ERC2: variants seen among roughly 807,000 people sequenced by gnomAD.
ERC2 encodes the protein ELKS/RAB6-interacting/CAST family member 2.
ERC2 carries 42 observed loss-of-function variants against 114.8 expected under a neutral mutation model. The ratio of observed to expected loss-of-function variants is 0.37; its 90% confidence interval spans 0.29 to 0.47. The LOEUF is 0.47. Ranked by LOEUF, ERC2 falls within the 20% of genes least tolerant of loss-of-function variation. The pLI is 0.99. For missense variants in ERC2, 939 were observed against 1,150.7 expected, an observed-to-expected ratio of 0.82 and a Z score of 2.66; for synonymous variants, 454 against 425.5, an observed-to-expected ratio of 1.07 and a Z score of -0.82.
At chr3:56,260,654 G>A (rs1489617883) in intron 3 of ERC2, among the ~76,000 whole-genome samples, 1 of 152,200 alleles carries the variant, frequency 6.6e-6, no homozygotes, top group Non-Finnish European at 1.5e-5. Context: ...CAGAGCCTGT[G>A]TTATTAACCG....
intron 7 of ERC2, among the ~76,000 whole-genome samples, chr3:56,055,953 G>A (rs1273043545): frequency 6.6e-6 from 1 of 152,156 alleles, no homozygotes; most frequent in Non-Finnish European, 1.5e-5. Flanking sequence ...TTTCTTTAAA[G>A]AAAAATCTTA....
chr3:55,909,449 G>C (rs746602379), intron 13 of ERC2, among the ~76,000 whole-genome samples: 1 of 152,196 alleles, frequency 6.6e-6, no homozygotes, highest in South Asian at 2.1e-4. Flanking sequence ...GTCAGAATGA[G>C]TTTGAATAAG....
intron 14 of ERC2, among the ~76,000 whole-genome samples, chr3:55,815,984 C>T (rs562308126): frequency 2.0e-5 from 3 of 152,374 alleles, no homozygotes; most frequent in African/African-American, 7.2e-5. Flanking sequence ...TGGGATTCTG[C>T]TCCACCAGTT....
intron 17 of ERC2, among the ~76,000 whole-genome samples, chr3:55,543,431 A>G (rs2054533970): frequency 6.6e-6 from 1 of 152,204 alleles, no homozygotes; most frequent in Non-Finnish European, 1.5e-5. Context: ...TCTCATAAAG[A>G]TGAGTGAGTG....
intron 7 of ERC2, among the ~76,000 whole-genome samples, chr3:56,053,252 G>A (rs948847425): frequency 5.3e-5 from 8 of 152,160 alleles, no homozygotes; most frequent in African/African-American, 1.2e-4. Flanking sequence ...TGTGTGCCAC[G>A]AGTGGGTAAA....
intron 1 of ERC2, among the ~76,000 whole-genome samples, chr3:56,461,472 G>A (rs2107573271): frequency 6.6e-6 from 1 of 152,300 alleles, no homozygotes; most frequent in South Asian, 2.1e-4. Flanking sequence ...GTAGAAGAGG[G>A]CACTGGGTGC....
intron 17 of ERC2, among the ~76,000 whole-genome samples, chr3:55,533,414 C>T (rs936811006): frequency 1.3e-5 from 2 of 152,204 alleles, no homozygotes; most frequent in Non-Finnish European, 2.9e-5. Flanking sequence ...TAGGAACCAA[C>T]GTTTGCTGCA....
intron 3 of ERC2, among the ~76,000 whole-genome samples, chr3:56,218,499 A>T (rs1402059348): frequency 6.7e-6 from 1 of 148,992 alleles, no homozygotes; most frequent in African/African-American, 2.5e-5. Context: ...AACAGGTGCT[A>T]AAGAGGATGT....
At chr3:56,387,428 C>G (rs1164120250) in intron 2 of ERC2, among the ~76,000 whole-genome samples, 1 of 152,110 alleles carries the variant, frequency 6.6e-6, no homozygotes, top group Non-Finnish European at 1.5e-5. Flanking sequence ...CTAAAATGAA[C>G]ACACTAATAA....
At chr3:56,074,407 T>C (rs1167075953) in intron 7 of ERC2, among the ~76,000 whole-genome samples, 2 of 152,152 alleles carry the variant, frequency 1.3e-5, no homozygotes, top group Admixed American at 1.3e-4. Context: ...ATAATCATTT[T>C]ATTATAAAAA....
At chr3:56,235,827 T>A (rs980364661) in intron 3 of ERC2, among the ~76,000 whole-genome samples, 2 of 152,232 alleles carry the variant, frequency 1.3e-5, no homozygotes, top group African/African-American at 4.8e-5. Flanking sequence ...GCGGCTACCA[T>A]AATGGATCAG....
chr3:56,438,650 C>A (rs1559503964), intron 1 of ERC2, among the ~76,000 whole-genome samples: 1 of 152,200 alleles, frequency 6.6e-6, no homozygotes, highest in African/African-American at 2.4e-5. Context: ...TGGGTTCTAA[C>A]TGGGCCACCA....
intron 14 of ERC2, among the ~76,000 whole-genome samples, chr3:55,775,907 A>G (rs2068572679): frequency 6.6e-6 from 1 of 152,164 alleles, no homozygotes; most frequent in South Asian, 2.1e-4. Context: ...GGCAGTCTGT[A>G]TGTCAGCAAC....
At chr3:55,655,292 ATCCTTGTCATGTAGTAC>A (rs2060807940) in intron 17 of ERC2, among the ~76,000 whole-genome samples, 1 of 151,976 alleles carries the variant, frequency 6.6e-6, no homozygotes, top group Non-Finnish European at 1.5e-5. Context: ...CTTGTACTAC[ATCCTTGTCATGTAGTAC>A]AAAGAAGAGT....
At chr3:55,876,973 T>C (rs1053699513) in intron 14 of ERC2, among the ~76,000 whole-genome samples, 1 of 152,234 alleles carries the variant, frequency 6.6e-6, no homozygotes, top group Non-Finnish European at 1.5e-5. Flanking sequence ...ATCATTGTGC[T>C]GAACAGGAAA....
intron 14 of ERC2, among the ~76,000 whole-genome samples, chr3:55,820,148 G>A (rs1575707837): frequency 1.3e-5 from 2 of 152,260 alleles, no homozygotes; most frequent in East Asian, 3.9e-4. Flanking sequence ...GTGGGGTCTA[G>A]AAGTGGAGCC....
At chr3:56,345,497 G>C (rs916320966) in intron 2 of ERC2, among the ~76,000 whole-genome samples, 1 of 152,180 alleles carries the variant, frequency 6.6e-6, no homozygotes, top group Non-Finnish European at 1.5e-5. Flanking sequence ...AGTTTATGAA[G>C]ACCACCATTT....
chr3:55,790,514 T>C (rs1395121082), intron 14 of ERC2, among the ~76,000 whole-genome samples: 1 of 152,194 alleles, frequency 6.6e-6, no homozygotes, highest in Non-Finnish European at 1.5e-5. Context: ...GGCTTCTTCT[T>C]GGCATGCCCT....
intron 4 of ERC2, among the ~76,000 whole-genome samples, chr3:56,150,378 T>C (rs1023816789): frequency 6.6e-6 from 1 of 152,152 alleles, no homozygotes; most frequent in African/African-American, 2.4e-5. Context: ...ATCATTGTTA[T>C]TATCATTAAC....
Sources: allele counts gnomAD v4.1 joint callset (sites outside exome capture counted in the v4.1 genomes callset), GRCh38; gene constraint gnomAD v4.1.1; transcripts MANE v1.5; gene names NCBI Gene and HGNC (gene_info 2026-07-23, HGNC 2026-07-21).